The following IQCM variants were observed in gnomAD, a reference collection of about 807,000 sequenced individuals.
The protein encoded by IQCM is IQ motif containing M, also known as IQ domain-containing protein M.
IQCM carries 45 observed loss-of-function variants against 57.6 expected under a neutral mutation model. The observed-to-expected ratio is 0.78, with a 90% CI of 0.62 to 1.00. The LOEUF (loss-of-function observed/expected upper bound fraction) is 1.00. IQCM is among the 50% of genes least tolerant of loss of function. The pLI is 0.00. For synonymous variants in IQCM, 148 were observed against 158.9 expected (o/e 0.93, Z 0.51); for missense variants, 468 against 511.6 (o/e 0.91, Z 0.82).
At chr4:149,596,547 C>A (rs1055560848) in intron 8 of IQCM, among the ~76,000 whole-genome samples, 10 of 151,976 alleles carry the variant, frequency 6.6e-5, no homozygotes, top group Non-Finnish European at 2.9e-5. Flanking sequence ...ACTCATAAAA[C>A]CCAAGTCTTG....
chr4:149,669,929 CT>C (rs1416992767), intron 7 of IQCM, among the ~76,000 whole-genome samples: 1 of 152,106 alleles, frequency 6.6e-6, no homozygotes, highest in East Asian at 1.9e-4. Context: ...CAGCTTTGTT[CT>C]TTTGGCTTAG....
At chr4:149,516,406 C>T (rs868647472) in intron 12 of IQCM, among the ~76,000 whole-genome samples, 6 of 152,176 alleles carry the variant, frequency 3.9e-5, no homozygotes, top group Non-Finnish European at 7.3e-5. Context: ...ACTCACTTTA[C>T]AGCTAAAGAA....
At chr4:149,561,512 T>C (rs1250289233) in intron 10 of IQCM, among the ~76,000 whole-genome samples, 1 of 152,142 alleles carries the variant, frequency 6.6e-6, no homozygotes, top group African/African-American at 2.4e-5. Context: ...TATAATCAAA[T>C]ACAATCAAAT....
intron 7 of IQCM, among the ~76,000 whole-genome samples, chr4:149,665,080 G>A (rs1036554033): frequency 3.3e-5 from 5 of 152,162 alleles, no homozygotes; most frequent in African/African-American, 7.2e-5. Context: ...TGAATGTGGT[G>A]GAACAACTGT....
intron 12 of IQCM, among the ~76,000 whole-genome samples, chr4:149,536,283 T>C (rs1217457208): frequency 6.6e-6 from 1 of 151,996 alleles, no homozygotes; most frequent in African/African-American, 2.4e-5. Context: ...GCAATCACAA[T>C]TCACTAGACC....
At chr4:149,399,997 T>C (rs1007723008) in intron 13 of IQCM, among the ~76,000 whole-genome samples, 1 of 152,024 alleles carries the variant, frequency 6.6e-6, no homozygotes, top group African/African-American at 2.4e-5. Context: ...ATTTCATAAT[T>C]TAATGAAATA....
intron 12 of IQCM, among the ~76,000 whole-genome samples, chr4:149,482,879 A>G (rs1228547551): frequency 6.6e-6 from 1 of 151,796 alleles, no homozygotes; most frequent in Non-Finnish European, 1.5e-5. Context: ...ATAATTCAGC[A>G]GTGAAGCCAT....
chr4:149,646,273 TATGA>T (rs1758627207), intron 7 of IQCM, among the ~76,000 whole-genome samples: 1 of 152,224 alleles, frequency 6.6e-6, no homozygotes, highest in Non-Finnish European at 1.5e-5. Flanking sequence ...CCTAGATTAA[TATGA>T]ATCTTTTCTA....
At chr4:149,691,399 G>C (rs192657456) in intron 5 of IQCM, among the ~76,000 whole-genome samples, 1 of 152,088 alleles carries the variant, frequency 6.6e-6, no homozygotes, top group Non-Finnish European at 1.5e-5. Flanking sequence ...AAATTGCTAT[G>C]CTAACTCCTG....
rs531775299 is a variant in IQCM, at chr4:149,813,957, T to A, written c.-49+1354A>T. Reference sequence around the variant, plus strand: ...AGCTTCATTACAAACCTCCCAATAATTGAACAACTGCAATTCATTATGAGC... The same window carrying A: ...AGCTTCATTACAAACCTCCCAATAAATGAACAACTGCAATTCATTATGAGC... On this transcript the variant is annotated intron_variant, in intron 2 of 13. Transcript: ENST00000636793. Among the ~76,000 whole-genome samples the A allele has an allele frequency of 2.1e-4, 32 of 152,130 alleles. No individual in the cohort carries two copies. In the South Asian group the frequency reaches 6.6e-3, roughly 32 times the overall value.
chr4:149,404,086 G>C (rs1384557543), intron 13 of IQCM, among the ~76,000 whole-genome samples: 1 of 151,968 alleles, frequency 6.6e-6, no homozygotes, highest in Non-Finnish European at 1.5e-5. Flanking sequence ...TGGATACACA[G>C]AGTAAGACAG....
At chr4:149,616,933 C>T (rs1009818590) in intron 8 of IQCM, among the ~76,000 whole-genome samples, 3 of 151,784 alleles carry the variant, frequency 2.0e-5, no homozygotes, top group Non-Finnish European at 4.4e-5. Flanking sequence ...AACAAACCTA[C>T]ATGTTCTGCA....
intron 3 of IQCM, among the ~76,000 whole-genome samples, chr4:149,736,131 A>G (rs1249411015): frequency 1.3e-5 from 2 of 150,168 alleles, no homozygotes; most frequent in Admixed American, 6.6e-5. Flanking sequence ...TACTTATTGT[A>G]GAGATGGGGT....
chr4:149,667,831 G>A (rs1760873386), intron 7 of IQCM, among the ~76,000 whole-genome samples: 1 of 151,802 alleles, frequency 6.6e-6, no homozygotes, highest in South Asian at 2.1e-4. Flanking sequence ...AAGGACATCA[G>A]AGATTGAAGA....
chr4:149,357,038 T>G (rs1462752690), intron 13 of IQCM, among the ~76,000 whole-genome samples: 1 of 152,222 alleles, frequency 6.6e-6, no homozygotes, highest in Admixed American at 6.5e-5. Context: ...ATGATTTGGC[T>G]CTCTGTTTGT....
intron 5 of IQCM, among the ~76,000 whole-genome samples, chr4:149,712,042 C>T (rs1277636566): frequency 1.3e-5 from 2 of 152,100 alleles, no homozygotes; most frequent in Non-Finnish European, 2.9e-5. Context: ...AAGGATTTGG[C>T]AGCAGGCTTG....
intron 2 of IQCM, among the ~76,000 whole-genome samples, chr4:149,777,861 A>G (rs771323982): frequency 6.6e-6 from 1 of 152,266 alleles, no homozygotes; most frequent in Non-Finnish European, 1.5e-5. Context: ...TTCATTTCAT[A>G]TATCTCAGAC....
intron 2 of IQCM, among the ~76,000 whole-genome samples, chr4:149,811,300 C>A (rs1309393280): frequency 1.3e-5 from 2 of 152,082 alleles, no homozygotes; most frequent in African/African-American, 2.4e-5. Context: ...CTGAGTAATT[C>A]TGGGCTTTTC....
chr4:149,539,488 C>T (rs1044427260), intron 12 of IQCM, among the ~76,000 whole-genome samples: 26 of 152,090 alleles, frequency 1.7e-4, no homozygotes, highest in African/African-American at 5.8e-4. Context: ...CACCAATGCA[C>T]ATTTACTAAA....
Sources: gnomAD v4.1 joint callset for allele counts (sites outside exome capture counted in the v4.1 genomes callset) on GRCh38, gnomAD v4.1.1 for gene constraint, MANE v1.5 for transcripts, NCBI Gene and HGNC (gene_info 2026-07-23, HGNC 2026-07-21) for gene names.